Variants in CPEB3 observed in about 807,000 individuals in gnomAD.
The protein encoded by CPEB3 is cytoplasmic polyadenylation element-binding protein 3.
CPEB3 carries 20 observed loss-of-function variants against 67.2 expected under a neutral mutation model. The observed-to-expected ratio is 0.30, with a 90% CI of 0.21 to 0.43. The LOEUF is 0.43. CPEB3 is among the 20% of genes least tolerant of loss of function. The probability of loss-of-function intolerance (pLI) is 1.00; values close to 1 mark genes in which losing one functional copy is unlikely to be tolerated. For missense variants in CPEB3, 746 were observed against 968.6 expected (o/e 0.77, Z 3.05); for synonymous variants, 376 against 393.1 (o/e 0.96, Z 0.51).
intron 4 of CPEB3, among the ~76,000 whole-genome samples, chr10:92,150,270 A>G (rs1315497978): frequency 6.8e-6 from 1 of 146,134 alleles, no homozygotes; most frequent in Non-Finnish European, 1.5e-5. Context: ...TTTTTTTTTT[A>G]ATATAGAGAT....
At chr10:92,172,676 G>A (rs1848059892) in intron 4 of CPEB3, among the ~76,000 whole-genome samples, 1 of 152,098 alleles carries the variant, frequency 6.6e-6, no homozygotes, top group Non-Finnish European at 1.5e-5. Flanking sequence ...TGTACCCCCT[G>A]AACCTAAAAG....
At chr10:92,157,059 A>T (rs960784263) in intron 4 of CPEB3, among the ~76,000 whole-genome samples, 7 of 152,238 alleles carry the variant, frequency 4.6e-5, no homozygotes, top group African/African-American at 1.7e-4. Flanking sequence ...CAAAAGACAC[A>T]GATTGTGATC....
At chr10:92,227,643 T>A (rs1333123113) in intron 2 of CPEB3, among the ~76,000 whole-genome samples, 1 of 147,056 alleles carries the variant, frequency 6.8e-6, no homozygotes. Context: ...CAGGCTGGAG[T>A]GCAGTGGCGC....
At chr10:92,080,599 C>CA (rs1564761546) in intron 9 of CPEB3, among the ~76,000 whole-genome samples, 2 of 143,918 alleles carry the variant, frequency 1.4e-5, no homozygotes, top group Non-Finnish European at 3.1e-5. Context: ...TTGCAATTTT[C>CA]TTTTTTTTTT....
At chr10:92,189,668 T>C (rs1021703854) in intron 3 of CPEB3, among the ~76,000 whole-genome samples, 7 of 151,712 alleles carry the variant, frequency 4.6e-5, no homozygotes, top group Non-Finnish European at 7.4e-5. Context: ...ATAATAACCT[T>C]TGTTACCTCT....
intron 1 of CPEB3, among the ~76,000 whole-genome samples, chr10:92,258,970 CTTTT>C (rs1049039293): frequency 6.6e-6 from 1 of 150,510 alleles, no homozygotes; most frequent in Non-Finnish European, 1.5e-5. Context: ...TTCTTTCTTT[CTTTT>C]TTTTCTTTGA....
chr10:92,116,824 G>A (rs948678461), intron 6 of CPEB3, among the ~76,000 whole-genome samples: 1 of 152,224 alleles, frequency 6.6e-6, no homozygotes, highest in East Asian at 1.9e-4. Context: ...ATGGATGGCC[G>A]AAAATTCCTT....
chr10:92,248,397 C>T (rs1317063007), intron 1 of CPEB3, among the ~76,000 whole-genome samples: 1 of 152,160 alleles, frequency 6.6e-6, no homozygotes, highest in Admixed American at 6.5e-5. Context: ...ATGGAACCCA[C>T]AGATAAGAAA....
chr10:92,121,897 G>A (rs1433699129), intron 6 of CPEB3, among the ~76,000 whole-genome samples: 2 of 152,152 alleles, frequency 1.3e-5, no homozygotes, highest in African/African-American at 2.4e-5. Context: ...AGCTGCCTGA[G>A]TTCAGACTTT....
At chr10:92,072,513 C>T (rs1469125543) in intron 9 of CPEB3, among the ~76,000 whole-genome samples, 2 of 152,098 alleles carry the variant, frequency 1.3e-5, no homozygotes, top group African/African-American at 2.4e-5. Context: ...GGTTTATCTG[C>T]GCAATAAAGT....
At chr10:92,178,823 T>C (rs953313767) in intron 4 of CPEB3, among the ~76,000 whole-genome samples, 10 of 152,162 alleles carry the variant, frequency 6.6e-5, no homozygotes, top group Admixed American at 2.0e-4. Flanking sequence ...CCCAGCAAAT[T>C]TGTCGAAGCT....
intron 7 of CPEB3, among the ~76,000 whole-genome samples, chr10:92,097,935 G>A (rs1436769967): frequency 6.6e-6 from 1 of 151,946 alleles, no homozygotes; most frequent in Non-Finnish European, 1.5e-5. Flanking sequence ...GCCGAGGTGG[G>A]TGGATCACCT....
intron 6 of CPEB3, among the ~76,000 whole-genome samples, chr10:92,120,098 C>CAAAA (rs34785763): frequency 4.4e-5 from 2 of 45,284 alleles, no homozygotes; most frequent in African/African-American, 1.3e-4. Flanking sequence ...ACTAAAAATA[C>CAAAA]AAAAAAAAAA....
chr10:92,262,298 C>T (rs1852839902), intron 1 of CPEB3, among the ~76,000 whole-genome samples: 1 of 152,180 alleles, frequency 6.6e-6, no homozygotes, highest in Non-Finnish European at 1.5e-5. Flanking sequence ...TATCTAAATG[C>T]AGATACTAGC....
intron 1 of CPEB3, among the ~76,000 whole-genome samples, chr10:92,264,024 G>A (rs1168163830): frequency 6.6e-6 from 1 of 151,866 alleles, no homozygotes. Flanking sequence ...TTCAGATAAG[G>A]AAACTTAGAA....
chr10:92,200,162 C>T (rs1849449390), intron 2 of CPEB3, among the ~76,000 whole-genome samples: 1 of 152,172 alleles, frequency 6.6e-6, no homozygotes, highest in Non-Finnish European at 1.5e-5. Flanking sequence ...TCAGCATCTA[C>T]TGTGAATTTT....
At chr10:92,269,551 T>C (rs1853210044) in intron 1 of CPEB3, among the ~76,000 whole-genome samples, 1 of 152,108 alleles carries the variant, frequency 6.6e-6, no homozygotes, top group African/African-American at 2.4e-5. Context: ...CAGCTGATGA[T>C]TAAACCTGAA....
chr10:92,111,855 C>CAA (rs1844760263), intron 6 of CPEB3, among the ~76,000 whole-genome samples: 2 of 152,266 alleles, frequency 1.3e-5, no homozygotes, highest in East Asian at 3.9e-4. Flanking sequence ...CACAAACACA[C>CAA]ACACACAAAA....
At chr10:92,184,498 G>A (rs1225748530) in intron 3 of CPEB3, among the ~76,000 whole-genome samples, 24 of 152,050 alleles carry the variant, frequency 1.6e-4, no homozygotes, top group African/African-American at 4.8e-4. Flanking sequence ...CCCGCTACTC[G>A]GGAGGCTAAG....
Sources: allele counts gnomAD v4.1 joint callset (sites outside exome capture counted in the v4.1 genomes callset), GRCh38; gene constraint gnomAD v4.1.1; transcripts MANE v1.5; gene names NCBI Gene and HGNC (gene_info 2026-07-23, HGNC 2026-07-21).